FZD3: variants seen among roughly 807,000 people sequenced by gnomAD.
FZD3 encodes the protein frizzled class receptor 3.
Under a neutral mutation model 60.7 loss-of-function variants are expected in FZD3, and 30 were observed. That is an observed-to-expected ratio of 0.49 (90% CI 0.37 to 0.67). The LOEUF (loss-of-function observed/expected upper bound fraction) is 0.67, where lower values mean the gene tolerates loss of function less well. Among genes scored for constraint, FZD3 ranks in the 30% least tolerant of loss-of-function variants. The pLI, the probability that FZD3 is intolerant of heterozygous loss-of-function variation, is 0.00. For missense variants in FZD3, 605 were observed against 838.7 expected (o/e 0.72, Z 3.44); for synonymous variants, 246 against 275.2 (o/e 0.89, Z 1.05).
intron 5 of FZD3, among the ~76,000 whole-genome samples, chr8:28,548,133 G>A (rs1277113896): frequency 6.6e-6 from 1 of 152,050 alleles, no homozygotes; most frequent in African/African-American, 2.4e-5. Context: ...GATTACAGGT[G>A]TGAGCCACCG....
intron 1 of FZD3, among the ~76,000 whole-genome samples, chr8:28,497,883 C>G (rs760384817): frequency 6.6e-6 from 1 of 152,252 alleles, no homozygotes; most frequent in African/African-American, 2.4e-5. Flanking sequence ...GCAGGCAGCC[C>G]GGGAAGACAG....
chr8:28,533,058 T>C (rs1300792524), intron 5 of FZD3, among the ~76,000 whole-genome samples: 2 of 152,226 alleles, frequency 1.3e-5, no homozygotes, highest in African/African-American at 4.8e-5. Context: ...TTGTCATTTA[T>C]ATTTTTCTGG....
intron 3 of FZD3, among the ~76,000 whole-genome samples, chr8:28,515,278 T>G (rs1563386253): frequency 6.6e-6 from 1 of 152,144 alleles, no homozygotes; most frequent in Non-Finnish European, 1.5e-5. Flanking sequence ...TCAGTTCTTG[T>G]CTCCTCAGAA....
chr8:28,519,859 T>C (rs193029650), intron 3 of FZD3, among the ~76,000 whole-genome samples: 2 of 152,238 alleles, frequency 1.3e-5, no homozygotes, highest in East Asian at 3.9e-4. Context: ...CTCCCATTAC[T>C]GGTTGTCCTC....
At chr8:28,544,030 G>C (rs1234763532) in intron 5 of FZD3, among the ~76,000 whole-genome samples, 1 of 151,798 alleles carries the variant, frequency 6.6e-6, no homozygotes. Context: ...CTCCGGGTGG[G>C]GAGGAGGCTC....
intron 5 of FZD3, among the ~76,000 whole-genome samples, chr8:28,541,863 A>C (rs1376892375): frequency 6.6e-6 from 1 of 152,116 alleles, no homozygotes; most frequent in Non-Finnish European, 1.5e-5. Context: ...TCTTTCTCAC[A>C]TATCTCAGAT....
At chr8:28,494,789 C>T (rs1488597421) in intron 1 of FZD3, among the ~76,000 whole-genome samples, 2 of 151,562 alleles carry the variant, frequency 1.3e-5, no homozygotes, top group Admixed American at 6.6e-5. Flanking sequence ...CCGGCGGCAG[C>T]GCGGGGTGCC....
intron 5 of FZD3, among the ~76,000 whole-genome samples, chr8:28,535,677 T>C (rs1804991952): frequency 6.6e-6 from 1 of 152,218 alleles, no homozygotes; most frequent in South Asian, 2.1e-4. Flanking sequence ...GAATTAATTA[T>C]GAAATATAGT....
chr8:28,500,614 C>T (rs966418554), intron 2 of FZD3, among the ~76,000 whole-genome samples: 6 of 152,116 alleles, frequency 3.9e-5, no homozygotes, highest in Non-Finnish European at 8.8e-5. Context: ...AAGTAATAAA[C>T]TACAAAGACT....
At chr8:28,522,303 C>T (rs1330058851) in intron 4 of FZD3, among the ~76,000 whole-genome samples, 2 of 151,970 alleles carry the variant, frequency 1.3e-5, no homozygotes, top group East Asian at 3.8e-4. Flanking sequence ...ATTTAAGGAC[C>T]TGCTGTATGG....
chr8:28,510,388 A>G (rs1804254653), intron 3 of FZD3, among the ~76,000 whole-genome samples: 2 of 152,332 alleles, frequency 1.3e-5, no homozygotes, highest in East Asian at 1.9e-4. Context: ...AGACCTCTCT[A>G]TAGGGGTTGT....
intron 3 of FZD3, among the ~76,000 whole-genome samples, chr8:28,506,255 A>G (rs1450923430): frequency 6.6e-6 from 1 of 152,216 alleles, no homozygotes; most frequent in Admixed American, 6.5e-5. Context: ...TAGGACGGGA[A>G]CAGATTAGTG....
intron 5 of FZD3, among the ~76,000 whole-genome samples, chr8:28,536,608 C>T (rs575324978): frequency 6.6e-5 from 10 of 152,202 alleles, no homozygotes; most frequent in South Asian, 2.1e-4. Context: ...ACTCAGGAGG[C>T]TGAGGCAGGA....
Position 28,555,731 on chromosome 8 carries a change from T to G in FZD3, c.1554-7T>G. 2 of 1,517,276 alleles carry G rather than the reference T, an allele frequency of 1.3e-6. No individual in the cohort carries two copies. Among genetic ancestry groups the G allele is most frequent in the Non-Finnish European group, 1.8e-6 (2 of 1,092,026 alleles). The allele number at this position is 1,517,276 out of a possible 1,614,324, so 94.0% of individuals were successfully genotyped here. Reference sequence around the variant, plus strand: ...ATGTATCTTAAACTTACTATTTTGTTGTCTAGGATAGTGAATGAGAGCCGA... The same window carrying G: ...ATGTATCTTAAACTTACTATTTTGTGGTCTAGGATAGTGAATGAGAGCCGA... On this transcript the variant is annotated splice_polypyrimidine_tract_variant and splice_region_variant and intron_variant, in intron 6 of 7. Transcript: ENST00000240093.
chr8:28,560,169 T>C (rs950921138), intron 7 of FZD3, among the ~76,000 whole-genome samples: 1 of 152,176 alleles, frequency 6.6e-6, no homozygotes, highest in African/African-American at 2.4e-5. Context: ...GTATGGACAC[T>C]CAAAAAGAGT....
chr8:28,557,224 A>AAGAAG (rs3049838), intron 7 of FZD3, among the ~76,000 whole-genome samples: 23 of 133,932 alleles, frequency 1.7e-4, no homozygotes, highest in Non-Finnish European at 3.1e-4. Flanking sequence ...AAAAAAAAAA[A>AAGAAG]AAGAAGAAGA....
intron 5 of FZD3, among the ~76,000 whole-genome samples, chr8:28,550,568 T>G (rs1227654236): frequency 7.5e-6 from 1 of 133,184 alleles, no homozygotes; most frequent in African/African-American, 2.8e-5. Context: ...CTTGACTCAC[T>G]ACAACCTCCA....
chr8:28,556,437 T>C (rs1322832136), intron 7 of FZD3, among the ~76,000 whole-genome samples: 1 of 152,186 alleles, frequency 6.6e-6, no homozygotes, highest in Non-Finnish European at 1.5e-5. Context: ...AGTATTAATA[T>C]CTGCCTCTTT....
In FZD3 at chr8:28,551,612, A is replaced by G. The variant is rs1805412392; in HGVS notation, c.1414A>G (p.Met472Val). 1.2e-6 allele frequency: 2 copies of G among 1,604,536 alleles called. No individual in the cohort carries two copies. Among genetic ancestry groups the G allele is most frequent in the Non-Finnish European group, 1.7e-6 (2 of 1,173,338 alleles). ...CTTTCTGTTCTTCCAGGTTACTCAA[A>G]TGAGTCGTCCAGACTTGATTCTCTT... ...HIPCPYQVTQ[M>V]SRPDLILFLM... The change falls in exon 6 of 8, where the codon ATG (methionine) becomes GTG (valine). Residue 472 changes from methionine (M) to valine (V), a missense_variant. Coordinates refer to ENST00000240093, the MANE Select transcript of FZD3 (RefSeq NM_017412.4).
Sources: allele counts gnomAD v4.1 joint callset (sites outside exome capture counted in the v4.1 genomes callset), GRCh38; gene constraint gnomAD v4.1.1; transcripts MANE v1.5; gene names NCBI Gene and HGNC (gene_info 2026-07-23, HGNC 2026-07-21).